SERPINI1: variants seen among roughly 807,000 people sequenced by gnomAD.
SERPINI1 encodes neuroserpin.
A neutral mutation model predicts 41.1 loss-of-function variants in SERPINI1; 19 were observed. The observed-to-expected ratio is 0.46, with a 90% confidence interval of 0.32 to 0.68. The LOEUF (loss-of-function observed/expected upper bound fraction) is 0.68, where lower values mean the gene tolerates loss of function less well. SERPINI1 is among the 30% of genes least tolerant of loss of function. The pLI is 0.03. For missense variants in SERPINI1, 460 were observed against 479.2 expected (o/e 0.96, Z 0.37); for synonymous variants, 138 against 156.6 (o/e 0.88, Z 0.89).
At chr3:167,798,496 T>C (rs759420993) in intron 5 of SERPINI1, among the ~76,000 whole-genome samples, 8 of 152,188 alleles carry the variant, frequency 5.3e-5, no homozygotes, top group Non-Finnish European at 1.2e-4. Flanking sequence ...CACTAAATGT[T>C]TGATAATGGT....
rs540154802 is a variant in SERPINI1 at position 167,747,937 on chromosome 3, G to GT, written c.-19+12124dup. On this transcript the variant is annotated intron_variant, in intron 1 of 8. Transcript: ENST00000446050. ...TGTTAAAGTTTTTTTGTGTTTTGTT[G>GT]TTTTTTTTTTAATTTCAAAATGAAG... is the stretch of plus-strand genomic sequence containing the variant. Among the ~76,000 whole-genome samples, 158 of 146,494 alleles carry GT rather than the reference G, an allele frequency of 1.1e-3. 1 individual carries two copies. Among genetic ancestry groups the GT allele is most frequent in the South Asian group, 1.7e-3 (8 of 4,606 alleles).
chr3:167,761,730 C>T (rs1365164905), intron 1 of SERPINI1, among the ~76,000 whole-genome samples: 1 of 152,152 alleles, frequency 6.6e-6, no homozygotes. Context: ...TAGTTAGAAA[C>T]TCACTTCTGG....
At chr3:167,798,583 A>G (rs985589060) in intron 5 of SERPINI1, among the ~76,000 whole-genome samples, 2 of 152,150 alleles carry the variant, frequency 1.3e-5, no homozygotes, top group Admixed American at 6.5e-5. Context: ...TCAAGTGTCA[A>G]TTTTAATGGT....
At chr3:167,796,735 A>ATT (rs35791114) in intron 5 of SERPINI1, among the ~76,000 whole-genome samples, 2 of 150,032 alleles carry the variant, frequency 1.3e-5, no homozygotes, top group African/African-American at 4.9e-5. Flanking sequence ...TATGTACAAC[A>ATT]TTTTTTTTTT....
At chr3:167,802,000 A>G (rs1265513323) in intron 5 of SERPINI1, among the ~76,000 whole-genome samples, 1 of 152,280 alleles carries the variant, frequency 6.6e-6, no homozygotes, top group East Asian at 1.9e-4. Context: ...ATCTTTGACA[A>G]ACCTGAGAAA....
At chr3:167,787,886 T>G (rs1024387652) in intron 1 of SERPINI1, among the ~76,000 whole-genome samples, 2 of 152,218 alleles carry the variant, frequency 1.3e-5, no homozygotes, top group African/African-American at 4.8e-5. Context: ...CAGGACTGAT[T>G]AGGATCTTCT....
intron 1 of SERPINI1, among the ~76,000 whole-genome samples, chr3:167,760,837 G>A (rs1407561624): frequency 6.6e-6 from 1 of 152,072 alleles, no homozygotes; most frequent in Non-Finnish European, 1.5e-5. Context: ...ACACAGTTCT[G>A]AAAATAACAG....
chr3:167,784,819 C>T (rs1727255136), intron 1 of SERPINI1, among the ~76,000 whole-genome samples: 1 of 152,096 alleles, frequency 6.6e-6, no homozygotes, highest in African/African-American at 2.4e-5. Flanking sequence ...TCGCTGGGGA[C>T]ATAGCAAAAC....
At chr3:167,799,338 C>A (rs969461908) in intron 5 of SERPINI1, among the ~76,000 whole-genome samples, 1 of 152,152 alleles carries the variant, frequency 6.6e-6, no homozygotes, top group Non-Finnish European at 1.5e-5. Context: ...TGATGCTTTC[C>A]AGCTTCATCC....
intron 1 of SERPINI1, among the ~76,000 whole-genome samples, chr3:167,752,702 A>T (rs1310165669): frequency 1.3e-5 from 2 of 151,956 alleles, no homozygotes; most frequent in Non-Finnish European, 2.9e-5. Context: ...TGCTGCTTAC[A>T]AGGGCCTAGA....
chr3:167,792,498 C>T, intron 3 of SERPINI1, 92 bp from the exon 4 acceptor site: 1 of 1,010,290 alleles, frequency 9.9e-7, no homozygotes, highest in Non-Finnish European at 1.5e-6. Context: ...TTCTCTGGAC[C>T]ACTCTATCAG....
At chr3:167,767,556 G>T (rs1163599550) in intron 1 of SERPINI1, among the ~76,000 whole-genome samples, 1 of 152,112 alleles carries the variant, frequency 6.6e-6, no homozygotes, top group Non-Finnish European at 1.5e-5. Context: ...TCCTCTCTTA[G>T]ATCTGGGCAA....
chr3:167,793,182 A>T (rs1052187279), intron 4 of SERPINI1, among the ~76,000 whole-genome samples: 13 of 152,168 alleles, frequency 8.5e-5, no homozygotes, highest in African/African-American at 1.2e-4. Flanking sequence ...AAAGACTTTT[A>T]AAAAAATTTG....
intron 4 of SERPINI1, among the ~76,000 whole-genome samples, chr3:167,793,059 T>C (rs1280038744): frequency 6.6e-6 from 1 of 152,190 alleles, no homozygotes. Flanking sequence ...AATGTTCTGA[T>C]TTACTCCAAA....
rs1726431142 is a variant in SERPINI1 at position 167,762,855 on chromosome 3, G to T, written c.-18-26256G>T. Among the ~76,000 whole-genome samples the T allele has an allele frequency of 2.6e-5, 4 of 151,860 alleles. No homozygotes were observed. The South Asian group carries it at 6.2e-4, about 24-fold the overall frequency. The stretch of plus-strand genomic sequence containing the variant: ...AAAATTCCTTACAGAGGTTTTTGAA[G>T]ACTTGAATGTTTAACAGGCAAAGTA... On this transcript the variant is annotated intron_variant, in intron 1 of 8. Transcript: ENST00000446050.
intron 6 of SERPINI1, among the ~76,000 whole-genome samples, chr3:167,821,982 T>C (rs1371439221): frequency 6.6e-6 from 1 of 152,202 alleles, no homozygotes; most frequent in African/African-American, 2.4e-5. Flanking sequence ...CCTCAGCTGA[T>C]TGGATGAGGC....
At chr3:167,818,873 T>C (rs1234401928) in intron 6 of SERPINI1, among the ~76,000 whole-genome samples, 1 of 152,232 alleles carries the variant, frequency 6.6e-6, no homozygotes, top group Non-Finnish European at 1.5e-5. Flanking sequence ...CAATTTCCTA[T>C]GTGCAAATTG....
At chr3:167,817,412 C>G (rs1019264126) in intron 6 of SERPINI1, among the ~76,000 whole-genome samples, 1 of 151,954 alleles carries the variant, frequency 6.6e-6, no homozygotes, top group Non-Finnish European at 1.5e-5. Flanking sequence ...GGTTTTACAA[C>G]AGGCAATCCT....
intron 5 of SERPINI1, among the ~76,000 whole-genome samples, chr3:167,797,848 T>G (rs1372552434): frequency 6.6e-6 from 1 of 152,114 alleles, no homozygotes; most frequent in African/African-American, 2.4e-5. Context: ...AAATTTAAAT[T>G]ACTATGTAAA....
Sources: allele counts gnomAD v4.1 joint callset (sites outside exome capture counted in the v4.1 genomes callset), GRCh38; gene constraint gnomAD v4.1.1; transcripts MANE v1.5; gene names NCBI Gene and HGNC (gene_info 2026-07-23, HGNC 2026-07-21).